The following TRPM6 variants were observed in gnomAD, a reference collection of about 807,000 sequenced individuals.
TRPM6 encodes the protein transient receptor potential cation channel subfamily M member 6.
TRPM6 carries 111 observed loss-of-function variants against 247.6 expected under a neutral mutation model. The observed-to-expected ratio is 0.45, with a 90% CI of 0.38 to 0.52. The LOEUF (loss-of-function observed/expected upper bound fraction) is 0.52, where lower values mean the gene tolerates loss of function less well. Ranked by LOEUF, TRPM6 falls within the 20% of genes least tolerant of loss-of-function variation. The pLI, the probability that TRPM6 is intolerant of heterozygous loss-of-function variation, is 0.00. For synonymous variants in TRPM6, 892 were observed against 853.8 expected, an observed-to-expected ratio of 1.04 and a Z score of -0.78; for missense variants, 2,126 against 2,421.5, an observed-to-expected ratio of 0.88 and a Z score of 2.56.
chr9:74,727,398 A>C (rs1587443497), intron 38 of TRPM6, among the ~76,000 whole-genome samples: 1 of 151,694 alleles, frequency 6.6e-6, no homozygotes, highest in Non-Finnish European at 1.5e-5. Flanking sequence ...AAAAAAAAAA[A>C]AAAAAAGAAA....
chr9:74,873,085 C>T (rs1321548096), intron 1 of TRPM6, among the ~76,000 whole-genome samples: 1 of 152,082 alleles, frequency 6.6e-6, no homozygotes, highest in Non-Finnish European at 1.5e-5. Flanking sequence ...GATCTCTTGC[C>T]CCTCCCTGCC....
intron 4 of TRPM6, among the ~76,000 whole-genome samples, chr9:74,841,647 G>C (rs1829942578): frequency 6.6e-6 from 1 of 152,106 alleles, no homozygotes; most frequent in African/African-American, 2.4e-5. Context: ...TGGGATTACA[G>C]GCCTGTGCCA....
Position 74,788,609 on chromosome 9 carries a change from C to T in TRPM6, c.2667+5G>A. 6.2e-7 allele frequency: 1 copy of T among 1,613,886 alleles called. No individual in the cohort carries two copies. Among genetic ancestry groups the T allele is most frequent in the Non-Finnish European group, 8.5e-7 (1 of 1,179,854 alleles). On this transcript the variant is annotated splice_donor_5th_base_variant and intron_variant, in intron 20 of 38. Transcript: ENST00000360774. The stretch of plus-strand genomic sequence containing the variant: ...CAGAAGATAAAGGTAGATGGCATAA[C>T]TCACCTCCCTGACCACCTCAATAGC...
At chr9:74,822,025 G>A (rs191466816) in intron 7 of TRPM6, among the ~76,000 whole-genome samples, 188 bp from the exon 8 acceptor site, 1 of 152,290 alleles carries the variant, frequency 6.6e-6, no homozygotes, top group East Asian at 1.9e-4. Context: ...CAAATAAAAT[G>A]TGGCATAAAT....
intron 37 of TRPM6, among the ~76,000 whole-genome samples, chr9:74,732,369 G>T (rs1825548070): frequency 6.6e-6 from 1 of 152,130 alleles, no homozygotes; most frequent in African/African-American, 2.4e-5. Flanking sequence ...CTATGACACT[G>T]CTCTCATATC....
chr9:74,737,393 C>A, intron 36 of TRPM6: 1 of 1,289,784 alleles, frequency 7.8e-7, no homozygotes, highest in Non-Finnish European at 1.0e-6. Flanking sequence ...GTCTGCTTAT[C>A]TCTACATTCT....
At chr9:74,733,533 A>G (rs1014468616) in intron 36 of TRPM6, among the ~76,000 whole-genome samples, 23 of 152,228 alleles carry the variant, frequency 1.5e-4, no homozygotes, top group Non-Finnish European at 2.8e-4. Flanking sequence ...ATTATAAAAG[A>G]AAAGTGTTAT....
At chr9:74,835,263 C>T (rs947108218) in intron 5 of TRPM6, among the ~76,000 whole-genome samples, 1 of 152,060 alleles carries the variant, frequency 6.6e-6, no homozygotes, top group African/African-American at 2.4e-5. Flanking sequence ...TATCCTTTGC[C>T]CACTTTTTGA....
chr9:74,870,676 C>A (rs965600315), intron 1 of TRPM6, among the ~76,000 whole-genome samples: 1 of 152,150 alleles, frequency 6.6e-6, no homozygotes, highest in African/African-American at 2.4e-5. Flanking sequence ...GTAATCCCTG[C>A]ACTTTGGGAG....
rs376705580 is a variant in TRPM6, at chr9:74,887,825, T to G, written c.32A>C (p.Gln11Pro). The G allele has an allele frequency of 6.2e-7, 1 of 1,614,150 alleles. No individual in the cohort carries two copies. Reference protein sequence around the residue: MKEQPVLERLQSQKSWIKGVF... With the variant: MKEQPVLERLPSQKSWIKGVF... ...GCCAGTCGAGCAGCCTGAGCTTACC[T>G]GCAAGCGCTCCAAGACAGGTTGTTC... The change falls in exon 1 of 39, where the codon CAG becomes CCG. Residue 11 changes from glutamine to proline, a missense_variant and splice_region_variant. By Grantham distance (76) the Gln-to-Pro change is moderately conservative. Coordinates refer to ENST00000360774, the MANE Select transcript of TRPM6 (RefSeq NM_017662.5).
intron 3 of TRPM6, among the ~76,000 whole-genome samples, chr9:74,845,011 T>C (rs1044686082): frequency 1.2e-4 from 18 of 152,214 alleles, no homozygotes; most frequent in African/African-American, 4.3e-4. Context: ...ATATATAACA[T>C]TTATCTAATT....
chr9:74,828,349 C>A (rs1358179767), intron 6 of TRPM6, among the ~76,000 whole-genome samples: 1 of 151,446 alleles, frequency 6.6e-6, no homozygotes, highest in East Asian at 2.0e-4. Flanking sequence ...GAGACTCCGT[C>A]TCAAAAAGAA....
Position 74,866,470 on chromosome 9 carries a change from GGTTTTTT to G in TRPM6, c.34-7729_34-7723del, listed in dbSNP as rs201407432. 7.7e-3 allele frequency among the ~76,000 whole-genome samples: 1,176 copies of G among 151,932 alleles called. 39 individuals carry two copies. The highest frequency in any genetic ancestry group is 0.065 in the Admixed American group (990 of 15,258). ...TCAGTAGGTTTGATTTTTTTGGGGG[GGTTTTTT>G]GTTTTTTGTTTTTTTGTTTTTGAGA... On this transcript the variant is annotated intron_variant, in intron 1 of 38. Coordinates refer to ENST00000360774, the MANE Select transcript of TRPM6 (RefSeq NM_017662.5).
At chr9:74,849,706 G>C (rs894596370) in intron 3 of TRPM6, among the ~76,000 whole-genome samples, 1 of 152,206 alleles carries the variant, frequency 6.6e-6, no homozygotes, top group African/African-American at 2.4e-5. Context: ...CCAAAAACAA[G>C]AGCTGAAGTG....
At position 74,750,680 on chromosome 9, in the gene TRPM6, G is replaced by A. The variant is rs1321584393; in HGVS notation, c.5041C>T (p.Leu1681Phe). Reference sequence around the variant, plus strand: ...AATACTCACAGGGAGTTCCTATTGAGGTTGGTGCTCCTGGAATTCCACAAA... The same window carrying A: ...AATACTCACAGGGAGTTCCTATTGAAGTTGGTGCTCCTGGAATTCCACAAA... ...NSLWNSRSTNLNRNSLLKSSI... is the reference protein window; with the variant it reads ...NSLWNSRSTNFNRNSLLKSSI... Residue 1681 changes from leucine (L) to phenylalanine (F), a missense_variant, in exon 30 of 39, where the codon CTC becomes TTC. By Grantham distance (22) the Leu-to-Phe change is conservative. Transcript: ENST00000360774. The A allele has an allele frequency of 6.2e-7, 1 of 1,613,822 alleles. No individual in the cohort carries two copies. Among genetic ancestry groups the A allele is most frequent in the Admixed American group, 1.7e-5 (1 of 60,018 alleles).
At chr9:74,738,206 C>T (rs1033688384) in intron 36 of TRPM6, among the ~76,000 whole-genome samples, 2 of 152,124 alleles carry the variant, frequency 1.3e-5, no homozygotes, top group African/African-American at 4.8e-5. Context: ...TAATCATCTG[C>T]CTACATTTTT....
chr9:74,812,676 G>A (rs977138196), intron 11 of TRPM6, among the ~76,000 whole-genome samples: 9 of 152,036 alleles, frequency 5.9e-5, no homozygotes, highest in Non-Finnish European at 1.3e-4. Context: ...GATTGCTTGA[G>A]TTTAGGTGTT....
intron 5 of TRPM6, among the ~76,000 whole-genome samples, chr9:74,838,370 A>C (rs1011845427): frequency 6.6e-6 from 1 of 152,242 alleles, no homozygotes; most frequent in Non-Finnish European, 1.5e-5. Flanking sequence ...AATGTGAAAC[A>C]ATCTCTATAA....
chr9:74,785,489 C>T (rs1344818060), intron 21 of TRPM6, among the ~76,000 whole-genome samples: 1 of 151,964 alleles, frequency 6.6e-6, no homozygotes, highest in African/African-American at 2.4e-5. Context: ...CCCGTAAATA[C>T]ATACAGTTAC....
Sources: allele counts gnomAD v4.1 joint callset (sites outside exome capture counted in the v4.1 genomes callset), GRCh38; gene constraint gnomAD v4.1.1; transcripts MANE v1.5; gene names NCBI Gene and HGNC (gene_info 2026-07-23, HGNC 2026-07-21).